ARSJ: variants seen among roughly 807,000 people sequenced by gnomAD.
ARSJ encodes arylsulfatase family member J.
Under a neutral mutation model 35.9 loss-of-function variants are expected in ARSJ, and 26 were observed. The observed-to-expected ratio is 0.72, with a 90% CI of 0.53 to 1.00. The LOEUF (loss-of-function observed/expected upper bound fraction) is 1.00. Among genes scored for constraint, ARSJ ranks in the 50% least tolerant of loss-of-function variants. The pLI is 0.00. For missense variants in ARSJ, 667 were observed against 723.6 expected (o/e 0.92, Z 0.90); for synonymous variants, 294 against 267.6 (o/e 1.10, Z -0.96).
chr4:113,970,651 T>G (rs1727183633), intron 1 of ARSJ: 1 of 152,140 alleles, frequency 6.6e-6, no homozygotes, highest in Non-Finnish European at 1.5e-5. Context: ...GCAAATGTGT[T>G]GGGTAAATTA....
intron 1 of ARSJ, among the ~76,000 whole-genome samples, chr4:113,947,847 AT>A (rs996927476): frequency 1.3e-5 from 2 of 152,044 alleles, no homozygotes; most frequent in Non-Finnish European, 2.9e-5. Context: ...GAATATGGAT[AT>A]TTTCTTTAAT....
At chr4:113,925,328 T>G (rs1336368417) in intron 1 of ARSJ, among the ~76,000 whole-genome samples, 2 of 151,794 alleles carry the variant, frequency 1.3e-5, no homozygotes, top group Admixed American at 6.6e-5. Context: ...GGAGCAAAAA[T>G]TTTGCTAGTG....
At chr4:113,969,810 A>T (rs1409312404) in intron 1 of ARSJ, among the ~76,000 whole-genome samples, 1 of 152,198 alleles carries the variant, frequency 6.6e-6, no homozygotes, top group Non-Finnish European at 1.5e-5. Flanking sequence ...TCATCCATTC[A>T]TTCATTCTTC....
rs146509071 is a variant in ARSJ, at chr4:113,967,108, G to C, written c.398+11329C>G. ...ATGGATTATATTCAGTCAGTGGAGAGAGAATTCATTGTTATAAAATGAAGA... is the reference window on the plus strand; with the variant it reads ...ATGGATTATATTCAGTCAGTGGAGACAGAATTCATTGTTATAAAATGAAGA... On this transcript the variant is annotated intron_variant, in intron 1 of 1. Transcript: ENST00000315366. 4.6e-3 allele frequency among the ~76,000 whole-genome samples: 702 copies of C among 152,272 alleles called. 6 individuals carry two copies. Among genetic ancestry groups the C allele is most frequent in the Non-Finnish European group, 7.2e-3 (490 of 68,008 alleles).
At chr4:113,904,079 T>G (rs917296911) in intron 1 of ARSJ, among the ~76,000 whole-genome samples, 2 of 99,802 alleles carry the variant, frequency 2.0e-5, no homozygotes, top group Admixed American at 2.1e-4. Flanking sequence ...TGCACCAACA[T>G]GCCCAGATTT....
intron 1 of ARSJ, among the ~76,000 whole-genome samples, chr4:113,948,487 C>A (rs978117590): frequency 3.3e-5 from 5 of 152,100 alleles, no homozygotes; most frequent in African/African-American, 9.7e-5. Context: ...TCATATTTTA[C>A]AGTATCTAGG....
At chr4:113,949,301 C>T (rs934472201) in intron 1 of ARSJ, among the ~76,000 whole-genome samples, 1 of 152,082 alleles carries the variant, frequency 6.6e-6, no homozygotes, top group African/African-American at 2.4e-5. Context: ...CAAACCTGAA[C>T]GTTCTGCACA....
In ARSJ at chr4:113,923,742, A is replaced by G. The variant is rs575451737; in HGVS notation, c.399-20067T>C. Among the ~76,000 whole-genome samples, 9 of 152,048 alleles carry G rather than the reference A, an allele frequency of 5.9e-5. 1 individual carries two copies. The highest frequency in any genetic ancestry group is 5.9e-4 in the Admixed American group (9 of 15,246). ...ATTCAGTTTCTTAGTTATATTAGCC[A>G]TATTTCAGATGTTCAATAGCCATAT... is the stretch of plus-strand genomic sequence containing the variant. On this transcript the variant is annotated intron_variant, in intron 1 of 1. Transcript: ENST00000315366.
At chr4:113,920,036 C>T (rs1425471010) in intron 1 of ARSJ, among the ~76,000 whole-genome samples, 1 of 151,738 alleles carries the variant, frequency 6.6e-6, no homozygotes, top group Admixed American at 6.6e-5. Flanking sequence ...TGCTGTCTAT[C>T]CCTTCACATT....
At chr4:113,919,483 C>T (rs536942121) in intron 1 of ARSJ, among the ~76,000 whole-genome samples, 3 of 152,274 alleles carry the variant, frequency 2.0e-5, no homozygotes, top group East Asian at 1.9e-4. Context: ...TAAATTATAA[C>T]GTGCTCAACT....
At chr4:113,941,684 A>T (rs1725169802) in intron 1 of ARSJ, among the ~76,000 whole-genome samples, 1 of 152,056 alleles carries the variant, frequency 6.6e-6, no homozygotes, top group Non-Finnish European at 1.5e-5. Flanking sequence ...AAATAAACAT[A>T]CAATTTCCAA....
At chr4:113,921,048 G>C (rs958294439) in intron 1 of ARSJ, among the ~76,000 whole-genome samples, 2 of 151,438 alleles carry the variant, frequency 1.3e-5, no homozygotes, top group African/African-American at 2.4e-5. Context: ...CCAACAAAGA[G>C]AGAGTGCAGT....
intron 1 of ARSJ, among the ~76,000 whole-genome samples, chr4:113,912,926 G>T (rs897877378): frequency 1.6e-4 from 25 of 152,034 alleles, no homozygotes; most frequent in African/African-American, 6.0e-4. Context: ...AAAAAAACTA[G>T]CTTATTCTAC....
intron 1 of ARSJ, among the ~76,000 whole-genome samples, chr4:113,969,017 A>G (rs1303648355): frequency 6.6e-6 from 1 of 152,250 alleles, no homozygotes; most frequent in Admixed American, 6.5e-5. Flanking sequence ...TGGATAAGAT[A>G]TATTAATAAT....
chr4:113,919,213 A>C (rs1419996027), intron 1 of ARSJ, among the ~76,000 whole-genome samples: 1 of 152,186 alleles, frequency 6.6e-6, no homozygotes, highest in African/African-American at 2.4e-5. Context: ...TGCAGAAAGA[A>C]GTGACCACGA....
chr4:113,965,963 C>T (rs956234600), intron 1 of ARSJ, among the ~76,000 whole-genome samples: 2 of 151,948 alleles, frequency 1.3e-5, no homozygotes, highest in African/African-American at 4.8e-5. Flanking sequence ...TCTTTAACCT[C>T]ATAATGTTCA....
At position 113,964,142 on chromosome 4, in the gene ARSJ, A is replaced by C. The variant is rs539293422; in HGVS notation, c.398+14295T>G. 2.6e-5 allele frequency among the ~76,000 whole-genome samples: 4 copies of C among 152,224 alleles called. No homozygotes were observed. In the East Asian group the frequency reaches 7.8e-4, roughly 30 times the overall value. On this transcript the variant is annotated intron_variant, in intron 1 of 1. Coordinates refer to ENST00000315366, the MANE Select transcript of ARSJ (RefSeq NM_024590.4). ...TTGACCCATTTTTCTTTTAGAGATA[A>C]ATAATGACAGTGAATTATCTAGCTA...
intron 1 of ARSJ, among the ~76,000 whole-genome samples, chr4:113,970,222 G>A (rs992925879): frequency 3.9e-5 from 6 of 152,158 alleles, no homozygotes; most frequent in African/African-American, 1.4e-4. Context: ...TTTGAAGGTA[G>A]AAGGAGAAAG....
intron 1 of ARSJ, chr4:113,906,724 C>G (rs1217937012): frequency 2.2e-6 from 1 of 456,074 alleles, no homozygotes; most frequent in Non-Finnish European, 4.4e-6. Context: ...TACTTAATCC[C>G]TCTGATCCTC....
Sources: allele counts gnomAD v4.1 joint callset (sites outside exome capture counted in the v4.1 genomes callset), GRCh38; gene constraint gnomAD v4.1.1; transcripts MANE v1.5; gene names NCBI Gene and HGNC (gene_info 2026-07-23, HGNC 2026-07-21).